RIGI: variants seen among roughly 807,000 people sequenced by gnomAD.
RIGI encodes the protein RNA sensor RIG-I.
chr9:32,457,324 C>G, the RIGI span: 1 of 1,614,088 alleles, frequency 6.2e-7, no homozygotes, highest in African/African-American at 1.3e-5. Flanking sequence ...TATCTTTGCT[C>G]TTTTTTCAAA....
chr9:32,458,529 A>G, the RIGI span, among the ~76,000 whole-genome samples: 26 of 152,342 alleles, frequency 1.7e-4, no homozygotes, highest in African/African-American at 5.5e-4. Context: ...TCACACAGCT[A>G]CAAAGTAGCA....
chr9:32,481,582 C>CT, the RIGI span: 1 of 1,016,858 alleles, frequency 9.8e-7, no homozygotes, highest in South Asian at 1.8e-5. Flanking sequence ...CTCTAATTTT[C>CT]TTTTTCTTTT....
the RIGI span, among the ~76,000 whole-genome samples, chr9:32,486,616 G>C: frequency 4.2e-5 from 6 of 143,010 alleles, no homozygotes; most frequent in South Asian, 6.7e-4. Context: ...ACTTGGCAAA[G>C]AAAAAGAAAA....
chr9:32,487,486 A>T, the RIGI span: 1 of 1,614,160 alleles, frequency 6.2e-7, no homozygotes, highest in Admixed American at 1.7e-5. Flanking sequence ...TGGGGCTTAT[A>T]AACAACTTGC....
the RIGI span, chr9:32,491,169 A>G: frequency 1.0e-6 from 1 of 995,868 alleles, no homozygotes; most frequent in South Asian, 1.5e-5. Flanking sequence ...TTGTAACATA[A>G]ATTCTCTTTA....
At chr9:32,487,710 C>T in the RIGI span, 1 of 1,542,080 alleles carries the variant, frequency 6.5e-7, no homozygotes, top group South Asian at 1.2e-5. Context: ...TAACTCTTTC[C>T]TGCTGGGGTA....
chr9:32,515,522 C>T, the RIGI span, among the ~76,000 whole-genome samples: 2 of 152,116 alleles, frequency 1.3e-5, no homozygotes, highest in Non-Finnish European at 2.9e-5. Context: ...TCTTGGAACC[C>T]ACAGTGTAAC....
At chr9:32,455,949 A>C in the RIGI span, 1 of 152,308 alleles carries the variant, frequency 6.6e-6, no homozygotes, top group Non-Finnish European at 1.5e-5. Context: ...ATGAAGAGGG[A>C]GGCAGCTGTA....
At chr9:32,493,922 C>T in the RIGI span, 1 of 1,604,506 alleles carries the variant, frequency 6.2e-7, no homozygotes, top group South Asian at 1.1e-5. Flanking sequence ...CTTTCAATGG[C>T]TTCATAAAGT....
the RIGI span, chr9:32,487,635 T>C: frequency 3.1e-6 from 5 of 1,611,912 alleles, no homozygotes; most frequent in Non-Finnish European, 4.2e-6. Context: ...CCCAATGACC[T>C]GTAAGGAGCA....
chr9:32,468,336 A>G, the RIGI span, among the ~76,000 whole-genome samples: 2 of 152,228 alleles, frequency 1.3e-5, no homozygotes, highest in Non-Finnish European at 2.9e-5. Context: ...ATAAAGCCCT[A>G]TAGGTCAAAG....
At chr9:32,498,451 T>A in the RIGI span, 1 of 431,008 alleles carries the variant, frequency 2.3e-6, no homozygotes, top group Non-Finnish European at 4.8e-6. Context: ...GAGGCTACAC[T>A]TCCCAGCCTG....
the RIGI span, chr9:32,480,135 A>G: frequency 2.7e-6 from 4 of 1,454,752 alleles, no homozygotes; most frequent in South Asian, 1.4e-5. Flanking sequence ...AAGTTTATAT[A>G]TATTAAATGC....
At chr9:32,493,821 G>A in the RIGI span, 80 of 1,609,822 alleles carry the variant, frequency 5.0e-5, no homozygotes, top group Admixed American at 5.0e-5. Context: ...AAATGATATC[G>A]GTTGGGATAA....
chr9:32,507,229 T>G, the RIGI span, among the ~76,000 whole-genome samples: 1 of 152,178 alleles, frequency 6.6e-6, no homozygotes, highest in Non-Finnish European at 1.5e-5. Context: ...CCTACAAATT[T>G]GAAAATAAAA....
the RIGI span, among the ~76,000 whole-genome samples, chr9:32,490,133 G>A: frequency 3.9e-5 from 6 of 152,142 alleles, no homozygotes; most frequent in Non-Finnish European, 7.4e-5. Flanking sequence ...CCAGCACTTG[G>A]GAGGCTGAGG....
chr9:32,510,614 T>C, the RIGI span, among the ~76,000 whole-genome samples: 152 of 152,294 alleles, frequency 1.0e-3, 1 homozygote, highest in African/African-American at 3.3e-3. Context: ...GGAAAACTGG[T>C]ACCAGCCACT....
the RIGI span, among the ~76,000 whole-genome samples, chr9:32,469,620 T>C: frequency 6.6e-6 from 1 of 152,144 alleles, no homozygotes; most frequent in African/African-American, 2.4e-5. Context: ...CTAGCGTAAG[T>C]GGGTTTCTGT....
chr9:32,524,751 C>T, the RIGI span, among the ~76,000 whole-genome samples: 1 of 151,654 alleles, frequency 6.6e-6, no homozygotes. Flanking sequence ...TACAGGAGTG[C>T]ACCACTACGC....
Sources: allele counts gnomAD v4.1 joint callset (sites outside exome capture counted in the v4.1 genomes callset), GRCh38; gene constraint gnomAD v4.1.1; transcripts MANE v1.5; gene names NCBI Gene and HGNC (gene_info 2026-07-23, HGNC 2026-07-21).